CREB5: variants seen among roughly 807,000 people sequenced by gnomAD.
The protein encoded by CREB5 is cyclic AMP-responsive element-binding protein 5.
In CREB5, 19 loss-of-function variants were observed where a neutral mutation model predicts 57.1. The ratio of observed to expected loss-of-function variants is 0.33; its 90% CI spans 0.23 to 0.49. CREB5 has a LOEUF of 0.49. CREB5 is among the 20% of genes least tolerant of loss of function. The pLI, the probability that CREB5 is intolerant of heterozygous loss-of-function variation, is 0.99. For synonymous variants in CREB5, 238 were observed against 238.3 expected (o/e 1.00, Z 0.01); for missense variants, 579 against 671.6 (o/e 0.86, Z 1.52).
chr7:28,441,204 C>A (rs1391972833), intron 1 of CREB5, among the ~76,000 whole-genome samples: 1 of 152,140 alleles, frequency 6.6e-6, no homozygotes, highest in Non-Finnish European at 1.5e-5. Context: ...TTGGCAAAAC[C>A]TAAATGCACA....
intron 5 of CREB5, among the ~76,000 whole-genome samples, chr7:28,684,717 C>T (rs560672248): frequency 6.7e-6 from 1 of 149,752 alleles, no homozygotes; most frequent in African/African-American, 2.4e-5. Context: ...GACTGTAGCA[C>T]AAGCCATGGT....
intron 5 of CREB5, among the ~76,000 whole-genome samples, chr7:28,690,039 A>G (rs753115645): frequency 1.3e-5 from 2 of 151,916 alleles, no homozygotes; most frequent in Admixed American, 1.3e-4. Context: ...GGTCTAGCTC[A>G]CCATCACCAA....
chr7:28,819,402 C>A lies in CREB5; in HGVS notation c.*123C>A. 1.1e-6 allele frequency: 1 copy of A among 927,994 alleles called. No individual in the cohort carries two copies. The highest frequency in any genetic ancestry group is 2.1e-5 in the South Asian group (1 of 47,614). 57.5% of individuals were successfully genotyped at this position (927,994 alleles called of 1,614,324 possible). ...CCTCAGTTCTTCAAAGACTGGCTTT[C>A]ATTTTTATAGTTATTATGGAAATGT... On this transcript the variant is annotated 3_prime_UTR_variant, in exon 11 of 11. Coordinates refer to ENST00000357727, the MANE Select transcript of CREB5 (RefSeq NM_182898.4).
chr7:28,445,565 T>A (rs935319768), intron 1 of CREB5, among the ~76,000 whole-genome samples: 4 of 151,466 alleles, frequency 2.6e-5, no homozygotes, highest in East Asian at 1.9e-4. Context: ...TTTTTTTTTT[T>A]ATTTGAGACG....
At chr7:28,303,953 C>G (rs534604809) in intron 1 of CREB5, among the ~76,000 whole-genome samples, 1 of 152,056 alleles carries the variant, frequency 6.6e-6, no homozygotes, top group African/African-American at 2.4e-5. Context: ...AATCAGGCAA[C>G]CTTGCTAATA....
At chr7:28,301,718 T>TGTA (rs1785100454) in intron 1 of CREB5, among the ~76,000 whole-genome samples, 2 of 152,254 alleles carry the variant, frequency 1.3e-5, no homozygotes, top group Admixed American at 6.5e-5. Context: ...TAGAATTAAT[T>TGTA]GTAGCTTGTC....
At chr7:28,782,457 T>A (rs1027281968) in intron 7 of CREB5, among the ~76,000 whole-genome samples, 2 of 152,212 alleles carry the variant, frequency 1.3e-5, no homozygotes, top group Middle Eastern at 3.2e-3. Context: ...CAGTTTTAAT[T>A]TTTCTTTTTT....
At chr7:28,799,014 T>G (rs1170410335) in intron 7 of CREB5, among the ~76,000 whole-genome samples, 1 of 152,182 alleles carries the variant, frequency 6.6e-6, no homozygotes, top group Non-Finnish European at 1.5e-5. Context: ...ATTTCTATAT[T>G]TGGGAGATTT....
intron 4 of CREB5, among the ~76,000 whole-genome samples, chr7:28,550,338 T>C (rs1794582501): frequency 6.6e-6 from 1 of 152,184 alleles, no homozygotes; most frequent in South Asian, 2.1e-4. Flanking sequence ...TTATAGTAGC[T>C]GAGGTCAGTG....
chr7:28,457,713 C>T (rs1329240740), intron 1 of CREB5, among the ~76,000 whole-genome samples: 1 of 152,122 alleles, frequency 6.6e-6, no homozygotes, highest in Non-Finnish European at 1.5e-5. Flanking sequence ...TCCTGGGAGT[C>T]AGTTGGATAT....
At chr7:28,353,771 A>C (rs1362454988) in intron 1 of CREB5, among the ~76,000 whole-genome samples, 1 of 151,164 alleles carries the variant, frequency 6.6e-6, no homozygotes, top group Non-Finnish European at 1.5e-5. Context: ...TGAACCCAGG[A>C]GGCGGAGCTT....
In CREB5 at chr7:28,412,894, G is replaced by A. The variant is rs761775942; in HGVS notation, c.-21G>A. The A allele has an allele frequency of 1.3e-6, 2 of 1,491,340 alleles. No homozygotes were observed. Among genetic ancestry groups the A allele is most frequent in the South Asian group, 1.5e-5 (1 of 67,714 alleles). 92.4% of individuals were successfully genotyped at this position (1,491,340 alleles called of 1,614,324 possible). A position where few individuals can be genotyped will look rare whatever the true frequency, so the allele number is the denominator to read the frequency against. On this transcript the variant is annotated 5_prime_UTR_variant, in exon 1 of 11. Coordinates refer to ENST00000357727, the MANE Select transcript of CREB5 (RefSeq NM_182898.4). ...TGGTGACTGCAGGAAGCAACACGTT[G>A]CTGCTTTTATTCTACAGATAATGGT...
At chr7:28,780,293 A>G (rs1806898102) in intron 7 of CREB5, among the ~76,000 whole-genome samples, 1 of 152,244 alleles carries the variant, frequency 6.6e-6, no homozygotes, top group Non-Finnish European at 1.5e-5. Context: ...CCAACAAACA[A>G]TGCCCTGCCA....
chr7:28,673,818 C>T (rs775578587), intron 5 of CREB5, among the ~76,000 whole-genome samples: 5 of 151,902 alleles, frequency 3.3e-5, no homozygotes, highest in African/African-American at 4.8e-5. Context: ...AGACTACAGG[C>T]GTACACCACC....
chr7:28,586,144 G>A (rs566163644), intron 5 of CREB5, among the ~76,000 whole-genome samples: 156 of 152,292 alleles, frequency 1.0e-3, no homozygotes, highest in Middle Eastern at 6.8e-3. Flanking sequence ...AGACCACTGA[G>A]TTGGTTTGAA....
At chr7:28,515,962 C>T (rs10275863) in intron 4 of CREB5, among the ~76,000 whole-genome samples, 37,474 of 151,602 alleles carry the variant, frequency 0.25, 4,885 homozygotes, top group South Asian at 0.36. Context: ...TCTGAGCTCT[C>T]TGGGAGGCCT....
intron 3 of CREB5, among the ~76,000 whole-genome samples, chr7:28,505,830 A>G (rs1257982144): frequency 1.3e-5 from 2 of 152,248 alleles, no homozygotes; most frequent in Non-Finnish European, 2.9e-5. Context: ...AAAATCCTGC[A>G]TAAATATTAA....
At chr7:28,582,355 A>G (rs1179907358) in intron 5 of CREB5, among the ~76,000 whole-genome samples, 1 of 152,188 alleles carries the variant, frequency 6.6e-6, no homozygotes, top group Non-Finnish European at 1.5e-5. Flanking sequence ...TTCATTCTCA[A>G]TGGTAACCTT....
chr7:28,736,090 C>T (rs559461547), intron 7 of CREB5, among the ~76,000 whole-genome samples: 1 of 152,162 alleles, frequency 6.6e-6, no homozygotes, highest in African/African-American at 2.4e-5. Context: ...TGAGCCCCAA[C>T]ACCTGGCCCC....
Sources: allele counts gnomAD v4.1 joint callset (sites outside exome capture counted in the v4.1 genomes callset), GRCh38; gene constraint gnomAD v4.1.1; transcripts MANE v1.5; gene names NCBI Gene and HGNC (gene_info 2026-07-23, HGNC 2026-07-21).